The following DOCK10 variants were observed in gnomAD, a reference collection of about 807,000 sequenced individuals.
DOCK10 encodes the protein dedicator of cytokinesis protein 10.
A neutral mutation model predicts 280.1 loss-of-function variants in DOCK10; 145 were observed. That is an observed-to-expected ratio of 0.52 (90% CI 0.45 to 0.59). DOCK10 has a LOEUF of 0.59. Ranked by LOEUF, DOCK10 falls within the 20% of genes least tolerant of loss-of-function variation. The probability of loss-of-function intolerance (pLI) is 0.00; values close to 1 mark genes in which losing one functional copy is unlikely to be tolerated. For missense variants in DOCK10, 2,368 were observed against 2,651.7 expected (o/e 0.89, Z 2.35); for synonymous variants, 915 against 942.2 (o/e 0.97, Z 0.53).
At chr2:225,002,386 G>T (rs1430854045) in intron 1 of DOCK10, among the ~76,000 whole-genome samples, 1 of 152,194 alleles carries the variant, frequency 6.6e-6, no homozygotes, top group African/African-American at 2.4e-5. Flanking sequence ...CAAGTGGCAT[G>T]CTGAATAAAA....
Position 224,806,198 on chromosome 2 carries a change from T to C in DOCK10, c.3742A>G (p.Ser1248Gly). Residue 1248 changes from serine to glycine, a missense_variant, in exon 34 of 56, where the codon AGC becomes GGC. Transcript: ENST00000258390. ...TTTGCATGTTTGATAGCTGTCTGGC[T>C]TTGAAATCCTCCATTGGTGCTTAGA... Reference protein sequence around the residue: ...DDLSTNGGFQSQTAIKHANSV... With the variant: ...DDLSTNGGFQGQTAIKHANSV... 1 of 1,610,870 alleles carries C rather than the reference T, an allele frequency of 6.2e-7. No individual in the cohort carries two copies.
intron 1 of DOCK10, among the ~76,000 whole-genome samples, chr2:224,988,584 G>A (rs1037247): frequency 0.4 from 60,439 of 152,000 alleles, 12,767 homozygotes; most frequent in Middle Eastern, 0.47. Flanking sequence ...GTAAGTGGCA[G>A]AATCAGAATT....
At chr2:224,921,941 A>C (rs541535654) in intron 2 of DOCK10, among the ~76,000 whole-genome samples, 177 of 152,086 alleles carry the variant, frequency 1.2e-3, no homozygotes, top group African/African-American at 4.2e-3. Flanking sequence ...CTCTACTAAA[A>C]ATAAAAATAA....
chr2:224,964,037 T>C (rs1057504848), intron 1 of DOCK10, among the ~76,000 whole-genome samples: 1 of 151,280 alleles, frequency 6.6e-6, no homozygotes, highest in South Asian at 2.1e-4. Flanking sequence ...ATTTCTTACA[T>C]GTTATATTTT....
Position 224,943,059 on chromosome 2 carries a change from T to TA in DOCK10, c.124-11392dup, listed in dbSNP as rs985208479. On this transcript the variant is annotated intron_variant, in intron 1 of 55. Coordinates refer to ENST00000258390, the MANE Select transcript of DOCK10 (RefSeq NM_014689.3). ...AGAGATCATACTGAAGAATTTTAGT[T>TA]AAAAAAAGAATAAAATAAAAATAGA... Among the ~76,000 whole-genome samples the TA allele has an allele frequency of 4.5e-4, 68 of 152,128 alleles. 1 individual carries two copies. Among genetic ancestry groups the TA allele is most frequent in the Admixed American group, 3.9e-3 (59 of 15,280 alleles).
At chr2:224,955,057 T>A (rs1054582887) in intron 1 of DOCK10, among the ~76,000 whole-genome samples, 1 of 152,214 alleles carries the variant, frequency 6.6e-6, no homozygotes, top group African/African-American at 2.4e-5. Context: ...TGGAGCCTAC[T>A]CCAGCTTCCC....
At chr2:224,850,495 C>T (rs553573171) in intron 18 of DOCK10, among the ~76,000 whole-genome samples, 3 of 152,268 alleles carry the variant, frequency 2.0e-5, no homozygotes, top group East Asian at 1.9e-4. Flanking sequence ...TCAGTGTTTG[C>T]GGACCTCCCC....
intron 1 of DOCK10, chr2:224,983,866 T>C: frequency 8.5e-6 from 4 of 471,070 alleles, no homozygotes; most frequent in South Asian, 6.2e-5. Context: ...CCTAACTCCC[T>C]CTGGACATTT....
intron 1 of DOCK10, among the ~76,000 whole-genome samples, chr2:224,997,798 A>G (rs949846674): frequency 2.0e-5 from 3 of 152,146 alleles, no homozygotes; most frequent in Non-Finnish European, 4.4e-5. Flanking sequence ...AGAATTCAGA[A>G]AGAGAGCCGC....
In DOCK10 at chr2:225,035,572, A is replaced by ATATATATAT. The variant is rs1553634956; in HGVS notation, c.123+6671_123+6679dup. ...TATATATATATATATATATATATAT[A>ATATATATAT]TATATATATATATATAACACTGAAT... On this transcript the variant is annotated intron_variant, in intron 1 of 55. Transcript: ENST00000258390. Among the ~76,000 whole-genome samples the ATATATATAT allele has an allele frequency of 2.8e-3, 193 of 69,956 alleles. 12 individuals carry two copies. The highest frequency in any genetic ancestry group is 0.014 in the East Asian group (31 of 2,234). The allele number at this position is 69,956 out of a possible 152,430, so 45.9% of individuals were successfully genotyped here.
At chr2:224,976,109 A>G (rs897032176) in intron 1 of DOCK10, among the ~76,000 whole-genome samples, 9 of 152,160 alleles carry the variant, frequency 5.9e-5, no homozygotes, top group East Asian at 1.9e-4. Context: ...TTAGTTTACA[A>G]TGTGATTCTA....
At chr2:224,877,286 C>G (rs1559633451) in intron 7 of DOCK10, among the ~76,000 whole-genome samples, 1 of 152,184 alleles carries the variant, frequency 6.6e-6, no homozygotes, top group Admixed American at 6.5e-5. Flanking sequence ...TTTGTTTTGA[C>G]AAATACATGT....
At chr2:224,922,591 C>T (rs1437239582) in intron 2 of DOCK10, among the ~76,000 whole-genome samples, 2 of 152,154 alleles carry the variant, frequency 1.3e-5, no homozygotes, top group African/African-American at 4.8e-5. Flanking sequence ...ATTCAGACAT[C>T]CTCCCTTGCA....
At chr2:224,856,644 A>G (rs1413779123) in intron 15 of DOCK10, among the ~76,000 whole-genome samples, 2 of 152,232 alleles carry the variant, frequency 1.3e-5, no homozygotes, top group African/African-American at 4.8e-5. Flanking sequence ...ACACAGCAGT[A>G]AATAACTGAC....
At chr2:224,903,258 A>C (rs1279930782) in intron 3 of DOCK10, among the ~76,000 whole-genome samples, 1 of 152,244 alleles carries the variant, frequency 6.6e-6, no homozygotes, top group Non-Finnish European at 1.5e-5. Flanking sequence ...GATCTAATTT[A>C]ACTGATTCTG....
intron 1 of DOCK10, among the ~76,000 whole-genome samples, chr2:225,008,853 A>G (rs561153938): frequency 1.3e-5 from 2 of 152,350 alleles, no homozygotes; most frequent in Non-Finnish European, 2.9e-5. Context: ...GTGTCGACAC[A>G]AAGATAGACT....
chr2:224,944,150 G>A (rs1381359399), intron 1 of DOCK10, among the ~76,000 whole-genome samples: 1 of 151,714 alleles, frequency 6.6e-6, no homozygotes. Flanking sequence ...TGCTTAGACT[G>A]GGTAGAAAAA....
intron 1 of DOCK10, among the ~76,000 whole-genome samples, chr2:224,977,388 A>G (rs1705501053): frequency 6.6e-6 from 1 of 152,232 alleles, no homozygotes; most frequent in Non-Finnish European, 1.5e-5. Context: ...TCTAAACTCC[A>G]AAGTGTGAAC....
At chr2:224,919,052 C>T (rs1372848840) in intron 2 of DOCK10, among the ~76,000 whole-genome samples, 1 of 116,798 alleles carries the variant, frequency 8.6e-6, no homozygotes, top group Non-Finnish European at 1.7e-5. Flanking sequence ...TATGTGTGGT[C>T]TGTGTGGTGT....
Sources: allele counts gnomAD v4.1 joint callset (sites outside exome capture counted in the v4.1 genomes callset), GRCh38; gene constraint gnomAD v4.1.1; transcripts MANE v1.5; gene names NCBI Gene and HGNC (gene_info 2026-07-23, HGNC 2026-07-21).